Variants in ERG observed in about 807,000 individuals in gnomAD.
ERG encodes transcriptional regulator ERG.
In ERG, 9 loss-of-function variants were observed where a neutral mutation model predicts 55.3. The ratio of observed to expected loss-of-function variants is 0.16; its 90% CI spans 0.10 to 0.28. ERG has a LOEUF of 0.28. ERG is among the 10% of genes least tolerant of loss of function. The pLI is 1.00. For synonymous variants in ERG, 223 were observed against 237.3 expected, an observed-to-expected ratio of 0.94 and a Z score of 0.55; for missense variants, 434 against 631.6, an observed-to-expected ratio of 0.69 and a Z score of 3.35.
intron 2 of ERG, among the ~76,000 whole-genome samples, chr21:38,550,475 G>A (rs1306820238): frequency 2.0e-5 from 3 of 152,214 alleles, no homozygotes; most frequent in Non-Finnish European, 4.4e-5. Flanking sequence ...GAGGTCTCAT[G>A]AATTGCATTA....
intron 2 of ERG, 74 bp from the exon 3 acceptor site, chr21:38,423,635 CAG>C: frequency 2.7e-6 from 4 of 1,454,576 alleles, no homozygotes; most frequent in South Asian, 2.6e-5. Flanking sequence ...TCACAATACA[CAG>C]AGAGAACCAA....
At chr21:38,409,233 C>A (rs1295412764) in intron 3 of ERG, among the ~76,000 whole-genome samples, 2 of 152,008 alleles carry the variant, frequency 1.3e-5, no homozygotes, top group African/African-American at 2.4e-5. Context: ...CCTGTAATCC[C>A]AGCACTTTGG....
chr21:38,452,449 T>C (rs977830528), intron 1 of ERG, among the ~76,000 whole-genome samples: 3 of 152,176 alleles, frequency 2.0e-5, no homozygotes. Flanking sequence ...ATACAATACA[T>C]AATGTATATA....
At chr21:38,521,438 T>G (rs1020572164) in intron 2 of ERG, among the ~76,000 whole-genome samples, 4 of 152,048 alleles carry the variant, frequency 2.6e-5, no homozygotes, top group African/African-American at 9.7e-5. Flanking sequence ...TCTAAAACAC[T>G]ATGTGACGCC....
Position 38,383,658 on chromosome 21 carries a change from G to A in ERG, c.1185C>T (p.Ile395=), listed in dbSNP as rs2146411978. The A allele has an allele frequency of 6.2e-7, 1 of 1,614,152 alleles. No individual in the cohort carries two copies. Among genetic ancestry groups the A allele is most frequent in the Non-Finnish European group, 8.5e-7 (1 of 1,180,026 alleles). The change falls in exon 10 of 10, where the codon ATC becomes ATT. Residue 395 remains isoleucine, a synonymous_variant. Transcript: ENST00000288319. The surrounding 1 kb of genome is among the most constrained non-coding windows in gnomAD (Gnocchi z 5.7). ...GGGGGTGGGGCTGGAGGGCCTGGGC[G>A]ATCCCGTGGAAGTCGAACTTGTAGG... The part of the protein sequence containing the change: ...RYAYKFDFHG[I]AQALQPHPPE...
rs1364884666 is a variant in ERG, at chr21:38,382,918, C to T, written c.*485G>A. 1 of 1,066,656 alleles carries T rather than the reference C, an allele frequency of 9.4e-7. No individual in the cohort carries two copies. The highest frequency in any genetic ancestry group is 1.1e-6 in the Non-Finnish European group (1 of 879,998). 66.1% of individuals were successfully genotyped at this position (1,066,656 alleles called of 1,614,324 possible). A position where few individuals can be genotyped will look rare whatever the true frequency, so the allele number is the denominator to read the frequency against. On this transcript the variant is annotated 3_prime_UTR_variant, in exon 10 of 10. Transcript: ENST00000288319. ...TCAACGTCTGTTGATGGGCCACAGT[C>T]TCTCTCGTGTCTTTTCTCTTGTTTT...
At chr21:38,368,901 GATAA>G in the ERG span, among the ~76,000 whole-genome samples, 4 of 152,102 alleles carry the variant, frequency 2.6e-5, no homozygotes, top group Non-Finnish European at 5.9e-5. Flanking sequence ...GTCTGTGAAG[GATAA>G]TGACCTCCAG....
At chr21:38,551,451 T>A (rs8129056) in intron 2 of ERG, among the ~76,000 whole-genome samples, 76,738 of 152,018 alleles carry the variant, frequency 0.5, 20,677 homozygotes, top group Non-Finnish European at 0.62. Flanking sequence ...GGCTGTTAAT[T>A]TAAGATCTTT....
intron 2 of ERG, among the ~76,000 whole-genome samples, chr21:38,443,093 C>G (rs1002564986): frequency 3.3e-5 from 5 of 152,244 alleles, no homozygotes; most frequent in Non-Finnish European, 7.3e-5. Flanking sequence ...AGGCGTGAGC[C>G]ACTGCGCCCG....
chr21:38,618,216 C>A (rs2060270024), intron 1 of ERG, among the ~76,000 whole-genome samples: 1 of 152,178 alleles, frequency 6.6e-6, no homozygotes, highest in African/African-American at 2.4e-5. Flanking sequence ...GGAGCAAGAC[C>A]ATCCTGTTAA....
chr21:38,543,049 G>A (rs549717228), intron 2 of ERG, among the ~76,000 whole-genome samples: 15 of 151,994 alleles, frequency 9.9e-5, no homozygotes, highest in East Asian at 1.9e-4. Context: ...GTGGCCCACC[G>A]GAGAGAATTA....
chr21:38,448,658 A>G (rs899971383), intron 1 of ERG, among the ~76,000 whole-genome samples: 26 of 152,348 alleles, frequency 1.7e-4, no homozygotes, highest in Middle Eastern at 6.8e-3. Context: ...AACAGCGGTC[A>G]CTAAAGTTAA....
chr21:38,522,309 C>A (rs1285127220), intron 2 of ERG, among the ~76,000 whole-genome samples: 1 of 151,950 alleles, frequency 6.6e-6, no homozygotes, highest in African/African-American at 2.4e-5. Flanking sequence ...AAATAATGGT[C>A]TTTATAAAAT....
At chr21:38,621,647 C>T (rs1016484563) in intron 1 of ERG, among the ~76,000 whole-genome samples, 12 of 152,176 alleles carry the variant, frequency 7.9e-5, no homozygotes, top group African/African-American at 2.4e-4. Flanking sequence ...TTTGCTACTG[C>T]AGCAAAAGCT....
intron 2 of ERG, among the ~76,000 whole-genome samples, chr21:38,524,026 C>A (rs1342877766): frequency 6.6e-6 from 1 of 152,194 alleles, no homozygotes; most frequent in Non-Finnish European, 1.5e-5. Context: ...ATCCAATTTT[C>A]TTGCATTTAT....
At chr21:38,473,453 T>C (rs1438425124) in intron 1 of ERG, among the ~76,000 whole-genome samples, 1 of 151,720 alleles carries the variant, frequency 6.6e-6, no homozygotes, top group Non-Finnish European at 1.5e-5. Flanking sequence ...AAAGCTGTTT[T>C]TTAAAGACAA....
intron 1 of ERG, among the ~76,000 whole-genome samples, chr21:38,487,755 T>C (rs185399860): frequency 8.9e-4 from 135 of 152,246 alleles, no homozygotes; most frequent in African/African-American, 3.2e-3. Context: ...GGGCAACAGA[T>C]ACATAGGAGG....
upstream of ERG, among the ~76,000 whole-genome samples, chr21:38,589,309 C>T (rs1036020565): frequency 2.6e-5 from 4 of 152,230 alleles, no homozygotes; most frequent in Admixed American, 6.5e-5. Context: ...TCCATCCCCA[C>T]AGTTATGGTG....
intron 6 of ERG, among the ~76,000 whole-genome samples, chr21:38,397,190 A>G (rs113584473): frequency 8.5e-5 from 13 of 152,296 alleles, no homozygotes; most frequent in African/African-American, 3.1e-4. Context: ...GCCTCGGCCA[A>G]TTGTGCAGGG....
Sources: gnomAD v4.1 joint callset for allele counts (sites outside exome capture counted in the v4.1 genomes callset) on GRCh38, gnomAD v4.1.1 for gene constraint, Gnocchi (gnomAD v3.1) non-coding constraint, MANE v1.5 for transcripts, NCBI Gene and HGNC (gene_info 2026-07-23, HGNC 2026-07-21) for gene names.